Variants in LDAH observed in about 807,000 individuals in gnomAD.
The protein encoded by LDAH is lipid droplet associated hydrolase.
A neutral mutation model predicts 29.6 loss-of-function variants in LDAH; 26 were observed. The observed-to-expected ratio is 0.88, with a 90% CI of 0.64 to 1.22. The LOEUF is 1.22. Among genes scored for constraint, LDAH ranks in the 50% most tolerant of loss-of-function variants. The pLI is 0.00. For missense variants in LDAH, 344 were observed against 387.3 expected, an observed-to-expected ratio of 0.89 and a Z score of 0.94; for synonymous variants, 117 against 133.0, an observed-to-expected ratio of 0.88 and a Z score of 0.83.
At chr2:20,819,831 T>C (rs1385389020) in intron 1 of LDAH, among the ~76,000 whole-genome samples, 3 of 152,214 alleles carry the variant, frequency 2.0e-5, no homozygotes, top group African/African-American at 4.8e-5. Context: ...ATTGTCCCTG[T>C]TTGCAGATGA....
At chr2:20,765,590 T>C (rs1668975415) in intron 4 of LDAH, among the ~76,000 whole-genome samples, 1 of 152,124 alleles carries the variant, frequency 6.6e-6, no homozygotes, top group South Asian at 2.1e-4. Flanking sequence ...TAGGGCTCAG[T>C]TGGATGGTTC....
chr2:20,760,699 AC>A lies in LDAH; in HGVS notation c.468+14110del, dbSNP rs1205976417. On this transcript the variant is annotated intron_variant, in intron 4 of 6. Coordinates refer to ENST00000237822, the MANE Select transcript of LDAH (RefSeq NM_021925.4). ...CCATATAGGCCGCCCAACATAGACA[AC>A]CCACAACATGGCAGTTTGCTTTTAA... 3.3e-5 allele frequency among the ~76,000 whole-genome samples: 5 copies of A among 152,310 alleles called. No homozygotes were observed. The South Asian group carries it at 1.0e-3, about 32-fold the overall frequency.
At position 20,740,037 on chromosome 2, in the gene LDAH, C is replaced by T. The variant is rs754607841; in HGVS notation, c.637G>A (p.Gly213Ser). ...ETIKSLLIRR[G>S]LQVMNLENEF... is the part of the protein sequence containing the mutation. ...TTCTCTAGGTTCATTACTTGAAGGC[C>T]CCTTCTGATTAGCAAGGACTTGATT... The change falls in exon 5 of 7, where the codon GGC becomes AGC. Residue 213 changes from glycine (G) to serine (S), a missense_variant. Coordinates refer to ENST00000237822, the MANE Select transcript of LDAH (RefSeq NM_021925.4). The T allele has an allele frequency of 6.2e-7, 1 of 1,613,982 alleles. No homozygotes were observed. Among genetic ancestry groups the T allele is most frequent in the Admixed American group, 1.7e-5 (1 of 60,006 alleles).
chr2:20,775,897 T>C (rs1286329572), intron 3 of LDAH, among the ~76,000 whole-genome samples: 1 of 152,204 alleles, frequency 6.6e-6, no homozygotes, highest in Non-Finnish European at 1.5e-5. Flanking sequence ...CATCTTTTCA[T>C]GTGTCCTGTG....
intron 4 of LDAH, among the ~76,000 whole-genome samples, chr2:20,761,667 T>C (rs923302260): frequency 6.6e-6 from 1 of 152,156 alleles, no homozygotes; most frequent in African/African-American, 2.4e-5. Context: ...AAAGCAAACA[T>C]AATTTATACC....
intron 2 of LDAH, among the ~76,000 whole-genome samples, chr2:20,794,357 A>G (rs554012687): frequency 6.6e-6 from 1 of 152,256 alleles, no homozygotes; most frequent in East Asian, 1.9e-4. Context: ...CAGCCAAACC[A>G]TATCAAGAAA....
At chr2:20,797,541 A>G (rs2125094992) in intron 2 of LDAH, among the ~76,000 whole-genome samples, 1 of 152,252 alleles carries the variant, frequency 6.6e-6, no homozygotes, top group East Asian at 1.9e-4. Flanking sequence ...TGGTTTTAGT[A>G]CTGAAAGTCT....
chr2:20,745,379 T>C (rs576479300), intron 4 of LDAH, among the ~76,000 whole-genome samples: 10 of 152,290 alleles, frequency 6.6e-5, no homozygotes, highest in African/African-American at 2.4e-4. Context: ...ATCATTGTGG[T>C]TTTGATTTGC....
At chr2:20,731,574 T>G (rs1232068025) in intron 5 of LDAH, among the ~76,000 whole-genome samples, 2 of 152,220 alleles carry the variant, frequency 1.3e-5, no homozygotes, top group African/African-American at 4.8e-5. Flanking sequence ...GAACACAGTA[T>G]GTCTCTCCAT....
intron 3 of LDAH, among the ~76,000 whole-genome samples, chr2:20,786,481 C>T (rs1055868559): frequency 1.5e-4 from 23 of 152,068 alleles, no homozygotes; most frequent in African/African-American, 5.1e-4. Flanking sequence ...TGAGCCACCA[C>T]GCCTGGCCAG....
chr2:20,821,675 T>A (rs935858424), intron 1 of LDAH, among the ~76,000 whole-genome samples: 2 of 152,038 alleles, frequency 1.3e-5, no homozygotes, highest in African/African-American at 4.8e-5. Flanking sequence ...AAATGACAAG[T>A]TAATGGGTGC....
chr2:20,814,539 C>T (rs1672724901), intron 1 of LDAH, among the ~76,000 whole-genome samples: 1 of 152,144 alleles, frequency 6.6e-6, no homozygotes, highest in Admixed American at 6.5e-5. Context: ...TCGCTCACTG[C>T]AGCCTCAACC....
At chr2:20,809,408 GAA>G (rs917524201) in intron 1 of LDAH, among the ~76,000 whole-genome samples, 16 of 152,008 alleles carry the variant, frequency 1.1e-4, no homozygotes, top group African/African-American at 3.9e-4. Flanking sequence ...AAAAAAAAAG[GAA>G]AAGACTTTCA....
intron 5 of LDAH, among the ~76,000 whole-genome samples, chr2:20,715,990 TG>T (rs1665151016): frequency 6.6e-6 from 1 of 152,088 alleles, no homozygotes. Context: ...TCATCATCAC[TG>T]GTCATCAGAG....
chr2:20,724,719 G>C (rs1665894633), intron 5 of LDAH, among the ~76,000 whole-genome samples: 1 of 152,214 alleles, frequency 6.6e-6, no homozygotes, highest in South Asian at 2.1e-4. Context: ...ATAAGAGCCA[G>C]AGACAATGTA....
intron 1 of LDAH, among the ~76,000 whole-genome samples, chr2:20,808,752 C>T (rs1672265354): frequency 6.6e-6 from 1 of 150,872 alleles, no homozygotes; most frequent in South Asian, 2.1e-4. Context: ...TAAAAATATA[C>T]CATTATTGAA....
At chr2:20,706,775 G>T (rs1286065819) in intron 5 of LDAH, among the ~76,000 whole-genome samples, 2 of 151,268 alleles carry the variant, frequency 1.3e-5, no homozygotes, top group African/African-American at 4.9e-5. Flanking sequence ...GCAACAAAAA[G>T]ACAGCAATCC....
chr2:20,813,354 T>C (rs544834641), intron 1 of LDAH, among the ~76,000 whole-genome samples: 67 of 152,328 alleles, frequency 4.4e-4, no homozygotes, highest in African/African-American at 1.5e-3. Flanking sequence ...TAGCATATTA[T>C]ATATACTTCT....
At chr2:20,761,025 C>A (rs1668650032) in intron 4 of LDAH, among the ~76,000 whole-genome samples, 1 of 152,194 alleles carries the variant, frequency 6.6e-6, no homozygotes, top group African/African-American at 2.4e-5. Flanking sequence ...AAATCTTCAA[C>A]TATTCCGAGA....
Sources: gnomAD v4.1 joint callset for allele counts (sites outside exome capture counted in the v4.1 genomes callset) on GRCh38, gnomAD v4.1.1 for gene constraint, MANE v1.5 for transcripts, NCBI Gene and HGNC (gene_info 2026-07-23, HGNC 2026-07-21) for gene names.